ADAMTSL1: variants seen among roughly 807,000 people sequenced by gnomAD.
ADAMTSL1 encodes ADAMTS like 1.
Under a neutral mutation model 201.8 loss-of-function variants are expected in ADAMTSL1, and 126 were observed. The ratio of observed to expected loss-of-function variants is 0.62; its 90% CI spans 0.54 to 0.72. The LOEUF is 0.72. Ranked by LOEUF, ADAMTSL1 falls within the 30% of genes least tolerant of loss-of-function variation. ADAMTSL1 has a pLI of 0.00. For synonymous variants in ADAMTSL1, 1,121 were observed against 903.4 expected (o/e 1.24, Z -4.32); for missense variants, 2,679 against 2,277.8 (o/e 1.18, Z -3.59).
chr9:18,287,450 A>AT (rs1270582372), intron 2 of ADAMTSL1, among the ~76,000 whole-genome samples: 1 of 151,562 alleles, frequency 6.6e-6, no homozygotes, highest in Non-Finnish European at 1.5e-5. Flanking sequence ...ATGTATGTGT[A>AT]TTTTACACAT....
rs548866670 is a variant in ADAMTSL1, at chr9:18,366,306, T to C, written c.208-138523T>C. On this transcript the variant is annotated intron_variant, in intron 2 of 29. Coordinates refer to the ADAMTSL1 transcript ENST00000680146. ...TTTCATAGCAGAAAAAGATTGAGCG[T>C]GCATCAGCTTCCTTATATACATATG... is the stretch of plus-strand genomic sequence containing the variant. Among the ~76,000 whole-genome samples, 20 of 140,712 alleles carry C rather than the reference T, an allele frequency of 1.4e-4. No individual in the cohort carries two copies. The South Asian group carries it at 4.5e-3, about 32-fold the overall frequency. 92.3% of individuals were successfully genotyped at this position (140,712 alleles called of 152,430 possible).
chr9:18,905,513 G>C (rs766523837), intron 26 of ADAMTSL1: 1 of 462,124 alleles, frequency 2.2e-6, no homozygotes, highest in Non-Finnish European at 4.0e-6. Flanking sequence ...TGATTAATCT[G>C]AGAGGAGCTT....
intron 2 of ADAMTSL1, among the ~76,000 whole-genome samples, chr9:18,322,793 C>A (rs1028616440): frequency 7.9e-5 from 12 of 152,090 alleles, no homozygotes; most frequent in African/African-American, 2.7e-4. Flanking sequence ...GTATCATCAA[C>A]AACTTTATGC....
chr9:18,213,660 T>G (rs1829962026), intron 2 of ADAMTSL1, among the ~76,000 whole-genome samples: 1 of 152,232 alleles, frequency 6.6e-6, no homozygotes, highest in Non-Finnish European at 1.5e-5. Flanking sequence ...GAATTGACGG[T>G]TTTCAAGATA....
chr9:18,187,918 A>T (rs1828808745), intron 2 of ADAMTSL1, among the ~76,000 whole-genome samples: 1 of 152,180 alleles, frequency 6.6e-6, no homozygotes. Context: ...ATTTATTTAA[A>T]TGCCATTTAT....
chr9:18,059,229 C>T (rs1030199508), intron 1 of ADAMTSL1, among the ~76,000 whole-genome samples: 2 of 152,164 alleles, frequency 1.3e-5, no homozygotes, highest in African/African-American at 4.8e-5. Flanking sequence ...CTTTCACTAT[C>T]GGACTGTTAA....
chr9:18,306,069 G>A (rs1041977663), intron 2 of ADAMTSL1, among the ~76,000 whole-genome samples: 8 of 152,082 alleles, frequency 5.3e-5, no homozygotes, highest in Non-Finnish European at 1.5e-5. Context: ...GGCAAACAGG[G>A]CATGGAGTAT....
At chr9:18,397,882 G>T (rs72686889) in intron 2 of ADAMTSL1, among the ~76,000 whole-genome samples, 1 of 152,064 alleles carries the variant, frequency 6.6e-6, no homozygotes, top group South Asian at 2.1e-4. Flanking sequence ...CACTGAATAA[G>T]CCTCTCTGGA....
intron 26 of ADAMTSL1, among the ~76,000 whole-genome samples, chr9:18,893,729 C>G (rs1447040864): frequency 6.6e-6 from 1 of 152,216 alleles, no homozygotes; most frequent in East Asian, 1.9e-4. Context: ...TATTGTGCTT[C>G]AAACTGTAGA....
chr9:18,390,583 G>A lies in ADAMTSL1; in HGVS notation c.208-114246G>A, dbSNP rs1163163298. ...GCAGCTATTTTCCCTGTTAGTAAGCGTGCAGAGCCACATGCTGTAATCATC... is the reference window on the plus strand; with the variant it reads ...GCAGCTATTTTCCCTGTTAGTAAGCATGCAGAGCCACATGCTGTAATCATC... On this transcript the variant is annotated intron_variant, in intron 2 of 29. Transcript: ENST00000680146. Among the ~76,000 whole-genome samples, 7 of 152,276 alleles carry A rather than the reference G, an allele frequency of 4.6e-5. No homozygotes were observed. The South Asian group carries it at 8.3e-4, about 18-fold the overall frequency.
intron 2 of ADAMTSL1, among the ~76,000 whole-genome samples, chr9:18,280,404 CAAAA>C (rs35683008): frequency 1.5e-5 from 2 of 131,874 alleles, no homozygotes; most frequent in Non-Finnish European, 1.6e-5. Context: ...GTTTATCTCT[CAAAA>C]AAAAAAAAAA....
intron 2 of ADAMTSL1, among the ~76,000 whole-genome samples, chr9:18,179,527 A>ACC (rs982630071): frequency 6.6e-6 from 1 of 152,092 alleles, no homozygotes; most frequent in Non-Finnish European, 1.5e-5. Flanking sequence ...TACAGAGAAC[A>ACC]CCACAAAGAT....
intron 8 of ADAMTSL1, among the ~76,000 whole-genome samples, chr9:18,658,677 T>C (rs1828871086): frequency 1.3e-5 from 2 of 152,232 alleles, no homozygotes; most frequent in Admixed American, 6.5e-5. Context: ...AAAAGGCTTT[T>C]GTGTTACTAC....
intron 2 of ADAMTSL1, among the ~76,000 whole-genome samples, chr9:18,284,152 C>T (rs1832908063): frequency 6.6e-6 from 1 of 151,402 alleles, no homozygotes; most frequent in African/African-American, 2.4e-5. Flanking sequence ...TTGCTCGAAC[C>T]TGGGAGGCAG....
intron 15 of ADAMTSL1, among the ~76,000 whole-genome samples, chr9:18,740,457 C>G (rs1051862972): frequency 7.9e-6 from 1 of 126,608 alleles, no homozygotes; most frequent in Non-Finnish European, 1.6e-5. Context: ...ATGTTCCTTT[C>G]TTTTTTTTTT....
At chr9:18,655,615 A>T (rs1233564466) in intron 7 of ADAMTSL1, among the ~76,000 whole-genome samples, 1 of 152,092 alleles carries the variant, frequency 6.6e-6, no homozygotes, top group East Asian at 1.9e-4. Context: ...CAAAAAGAAC[A>T]TCTGCAAAAA....
intron 1 of ADAMTSL1, among the ~76,000 whole-genome samples, chr9:18,082,037 T>C (rs1727737147): frequency 6.6e-6 from 1 of 152,230 alleles, no homozygotes; most frequent in Non-Finnish European, 1.5e-5. Flanking sequence ...ATGATATGAA[T>C]CACTCGTTTG....
chr9:18,872,152 A>G (rs997586429), intron 23 of ADAMTSL1, among the ~76,000 whole-genome samples: 2 of 103,406 alleles, frequency 1.9e-5, no homozygotes, highest in East Asian at 4.9e-4. Context: ...TCATTCCTAA[A>G]TAACCTTCTT....
At chr9:17,918,026 C>T (rs1455410542) in intron 1 of ADAMTSL1, among the ~76,000 whole-genome samples, 2 of 151,830 alleles carry the variant, frequency 1.3e-5, no homozygotes, top group African/African-American at 4.8e-5. Flanking sequence ...CTGTATCATT[C>T]ATGATATTGG....
Sources: allele counts gnomAD v4.1 joint callset (sites outside exome capture counted in the v4.1 genomes callset), GRCh38; gene constraint gnomAD v4.1.1; transcripts MANE v1.5; gene names NCBI Gene and HGNC (gene_info 2026-07-23, HGNC 2026-07-21).